IFI27L1: variants seen among roughly 807,000 people sequenced by gnomAD.
The protein encoded by IFI27L1 is interferon alpha-inducible protein 27-like protein 1.
In IFI27L1, 3 loss-of-function variants were observed where a neutral mutation model predicts 9.2. The ratio of observed to expected loss-of-function variants is 0.32; its 90% confidence interval spans 0.15 to 0.84. The LOEUF (loss-of-function observed/expected upper bound fraction) is 0.84, where lower values mean the gene tolerates loss of function less well. IFI27L1 is among the 40% of genes least tolerant of loss of function. The pLI, the probability that IFI27L1 is intolerant of heterozygous loss-of-function variation, is 0.56. For missense variants in IFI27L1, 133 were observed against 134.2 expected (o/e 0.99, Z 0.05); for synonymous variants, 53 against 50.0 (o/e 1.06, Z -0.26).
chr14:94,093,740 A>G (rs1330193565), intron 1 of IFI27L1, among the ~76,000 whole-genome samples: 1 of 145,284 alleles, frequency 6.9e-6, no homozygotes, highest in Admixed American at 6.9e-5. Context: ...GGGAGTTAGT[A>G]GATATGTACT....
At chr14:94,100,297 G>T in intron 2 of IFI27L1, 12 of 985,404 alleles carry the variant, frequency 1.2e-5, no homozygotes, top group Non-Finnish European at 1.4e-5. Flanking sequence ...AGACCAAGGC[G>T]CCTCTTCCTG....
chr14:94,083,960 C>T, intron 1 of IFI27L1, among the ~76,000 whole-genome samples: 1 of 151,984 alleles, frequency 6.6e-6, no homozygotes, highest in African/African-American at 2.4e-5. Context: ...GAAAGAGAGT[C>T]AATTTTAATT....
intron 1 of IFI27L1, among the ~76,000 whole-genome samples, chr14:94,087,677 C>T (rs531402986): frequency 9.2e-5 from 14 of 151,992 alleles, no homozygotes; most frequent in Non-Finnish European, 1.5e-5. Context: ...CTGCCCGCCT[C>T]GGCCTCCCAA....
intron 1 of IFI27L1, chr14:94,089,319 G>A (rs1049080402): frequency 3.9e-5 from 6 of 152,150 alleles, no homozygotes; most frequent in Non-Finnish European, 8.8e-5. Flanking sequence ...AACAAGTGGT[G>A]GATTATTAAT....
rs117619633 is a variant in IFI27L1, at chr14:94,094,262, T to A, written c.-51-2625T>A. On this transcript the variant is annotated intron_variant, in intron 1 of 4. Transcript: ENST00000555523. ...TTGGGTTAATCTGCCTCGCACTCTTTGCTGATGGCTGTGGGTGGCAGGATT... is the reference window on the plus strand; with the variant it reads ...TTGGGTTAATCTGCCTCGCACTCTTAGCTGATGGCTGTGGGTGGCAGGATT... 2.0e-5 allele frequency among the ~76,000 whole-genome samples: 3 copies of A among 152,332 alleles called. No individual in the cohort carries two copies. In the East Asian group the frequency reaches 5.8e-4, roughly 29 times the overall value.
At chr14:94,101,685 GATCC>G (rs1349129709) in intron 3 of IFI27L1, 125 bp from the exon 4 acceptor site, 1 of 876,740 alleles carries the variant, frequency 1.1e-6, no homozygotes, top group Non-Finnish European at 1.7e-6. Context: ...CTTGTTTTGG[GATCC>G]CATCCCTGCT....
intron 2 of IFI27L1, among the ~76,000 whole-genome samples, chr14:94,098,124 C>T (rs562953969): frequency 1.3e-5 from 2 of 152,094 alleles, no homozygotes; most frequent in Non-Finnish European, 2.9e-5. Flanking sequence ...GAAGATGTGT[C>T]GGCTTCTAGG....
Position 94,102,478 on chromosome 14 carries a change from G to A in IFI27L1, c.225G>A (p.Gly75=). ...GSLVAILQSV[G]AAGLSVTSKV... ...TGCTCACCCTCTCTTCTCCCCCAGG[G>A]GCAGCTGGACTCTCTGTGACATCTA... is the stretch of plus-strand genomic sequence containing the variant. Residue 75 remains glycine, a splice_region_variant and synonymous_variant, in exon 5 of 5, where the codon GGG becomes GGA. Coordinates refer to ENST00000555523, the MANE Select transcript of IFI27L1 (RefSeq NM_206949.3). 1.3e-6 allele frequency: 2 copies of A among 1,576,304 alleles called. No homozygotes were observed. The highest frequency in any genetic ancestry group is 1.7e-6 in the Non-Finnish European group (2 of 1,162,082).
At position 94,081,347 on chromosome 14, in the gene IFI27L1, T is replaced by A. The variant is rs929392812; in HGVS notation, c.-154T>A. 2 of 152,216 alleles carry A rather than the reference T, an allele frequency of 1.3e-5. No individual in the cohort carries two copies. The highest frequency in any genetic ancestry group is 2.9e-5 in the Non-Finnish European group (2 of 68,050). The allele number at this position is 152,216 out of a possible 1,614,324, so 9.4% of individuals were successfully genotyped here. A position where few individuals can be genotyped will look rare whatever the true frequency, so the allele number is the denominator to read the frequency against. ...AGAGCTGGCTTGGGGCGCTGGCACC[T>A]CCTCTTACAGCTTTACTCCTGCCAG... On this transcript the variant is annotated 5_prime_UTR_variant, in exon 1 of 5. Transcript: ENST00000555523.
In IFI27L1 at chr14:94,102,541, C is replaced by T; in HGVS notation, c.288C>T (p.Ala96=). The T allele has an allele frequency of 6.3e-7, 1 of 1,582,944 alleles. No homozygotes were observed. Among genetic ancestry groups the T allele is most frequent in the Non-Finnish European group, 8.6e-7 (1 of 1,163,946 alleles). The change falls in exon 5 of 5, where the codon GCC becomes GCT. Residue 96 remains alanine (A), a synonymous_variant. Transcript: ENST00000555523. ...GCTTTGCTGGGACAGCTCTTGGGGC[C>T]TGGCTGGGTTCACCCCCTTCCAGCT... ...IGGFAGTALG[A]WLGSPPSS is the part of the protein sequence containing the mutation.
intron 1 of IFI27L1, among the ~76,000 whole-genome samples, chr14:94,096,600 A>G (rs903977372): frequency 6.0e-5 from 9 of 150,356 alleles, no homozygotes; most frequent in Non-Finnish European, 8.9e-5. Flanking sequence ...AGGCTGAGGG[A>G]GGAGAATCGC....
chr14:94,081,512 A>T (rs191853563), intron 1 of IFI27L1, 63 bp downstream of exon 1: 4 of 152,872 alleles, frequency 2.6e-5, no homozygotes, highest in Non-Finnish European at 4.4e-5. Flanking sequence ...TCCAGACCCC[A>T]AGAGAGGGTT....
intron 1 of IFI27L1, among the ~76,000 whole-genome samples, chr14:94,093,970 G>A (rs572633961): frequency 7.0e-4 from 106 of 152,200 alleles, no homozygotes; most frequent in African/African-American, 2.5e-3. Flanking sequence ...TGACAGAATC[G>A]GGGTGGGAAA....
chr14:94,098,267 A>G (rs1486840206), intron 2 of IFI27L1, among the ~76,000 whole-genome samples: 1 of 152,176 alleles, frequency 6.6e-6, no homozygotes, highest in African/African-American at 2.4e-5. Flanking sequence ...CTTCAGGAGA[A>G]TGTTCCATGC....
intron 1 of IFI27L1, among the ~76,000 whole-genome samples, chr14:94,092,235 C>T (rs755102994): frequency 4.0e-5 from 6 of 151,600 alleles, no homozygotes; most frequent in East Asian, 1.9e-4. Flanking sequence ...AAAACCTGGC[C>T]GTGCGCTCTG....
chr14:94,081,805 A>G (rs771579947), intron 1 of IFI27L1, among the ~76,000 whole-genome samples: 4 of 152,182 alleles, frequency 2.6e-5, no homozygotes, highest in Non-Finnish European at 5.9e-5. Flanking sequence ...GTGTGTTCAG[A>G]CTAATCCACT....
At chr14:94,083,576 AACC>A (rs1208575147) in intron 1 of IFI27L1, among the ~76,000 whole-genome samples, 1 of 152,238 alleles carries the variant, frequency 6.6e-6, no homozygotes, top group Non-Finnish European at 1.5e-5. Context: ...ACCTTTCAGC[AACC>A]ACCACCCTAA....
intron 1 of IFI27L1, chr14:94,089,007 T>C (rs1057061260): frequency 6.6e-6 from 1 of 152,220 alleles, no homozygotes; most frequent in Admixed American, 6.5e-5. Flanking sequence ...ATGGTGTTTT[T>C]TTGTTTGTTT....
intron 1 of IFI27L1, chr14:94,094,636 C>T (rs973516952): frequency 5.9e-5 from 9 of 152,266 alleles, no homozygotes; most frequent in African/African-American, 2.2e-4. Context: ...CCAGAAAACT[C>T]GTGAATGAGC....
Sources: allele counts gnomAD v4.1 joint callset (sites outside exome capture counted in the v4.1 genomes callset), GRCh38; gene constraint gnomAD v4.1.1; transcripts MANE v1.5; gene names NCBI Gene and HGNC (gene_info 2026-07-23, HGNC 2026-07-21).